The following KRCC1 variants were observed in gnomAD, a reference collection of about 807,000 sequenced individuals.
KRCC1 encodes the protein lysine rich coiled-coil 1.
A neutral mutation model predicts 7.4 loss-of-function variants in KRCC1; 3 were observed. That is an observed-to-expected ratio of 0.40 (90% CI 0.18 to 1.04). KRCC1 has a LOEUF of 1.04. KRCC1 is among the 50% of genes least tolerant of loss of function. KRCC1 has a pLI of 0.33. For synonymous variants in KRCC1, 102 were observed against 101.6 expected, an observed-to-expected ratio of 1.00 and a Z score of -0.02; for missense variants, 277 against 300.9, an observed-to-expected ratio of 0.92 and a Z score of 0.59.
chr2:88,028,670 GA>G, intron 3 of KRCC1, 85 bp from the exon 4 acceptor site: 1 of 690,432 alleles, frequency 1.4e-6, no homozygotes, highest in Non-Finnish European at 2.2e-6. Flanking sequence ...TTTTTCTTGA[GA>G]TGGCGTCTCG....
chr2:88,037,520 T>C (rs1375360962), intron 1 of KRCC1, among the ~76,000 whole-genome samples: 1 of 152,244 alleles, frequency 6.6e-6, no homozygotes, highest in Non-Finnish European at 1.5e-5. Context: ...GTGATTCTCC[T>C]GCCTCAGCTT....
At position 88,027,729 on chromosome 2, in the gene KRCC1, C is replaced by CCAAG; in HGVS notation, c.*51_*54dup. ...TGGTATGAACACGGATATCATAAAA[C>CCAAG]CAAGCTCTCACCTATTTTTTCAATT... On this transcript the variant is annotated 3_prime_UTR_variant, in exon 4 of 4. Coordinates refer to ENST00000347055, the MANE Select transcript of KRCC1 (RefSeq NM_016618.3). 6.7e-7 allele frequency: 1 copy of CCAAG among 1,484,942 alleles called. No homozygotes were observed. Among genetic ancestry groups the CCAAG allele is most frequent in the South Asian group, 1.4e-5 (1 of 72,664 alleles). The allele number at this position is 1,484,942 out of a possible 1,614,324, so 92.0% of individuals were successfully genotyped here.
At chr2:88,048,798 T>C (rs1163336408) in intron 1 of KRCC1, among the ~76,000 whole-genome samples, 1 of 152,224 alleles carries the variant, frequency 6.6e-6, no homozygotes, top group Non-Finnish European at 1.5e-5. Context: ...ATCTTAATCT[T>C]AGTAAAGACC....
intron 1 of KRCC1, among the ~76,000 whole-genome samples, chr2:88,044,619 T>C (rs558505558): frequency 1.3e-5 from 2 of 152,172 alleles, no homozygotes; most frequent in African/African-American, 4.8e-5. Context: ...TAAACCACAA[T>C]GAGGGGTCTG....
At chr2:88,029,832 A>T in intron 3 of KRCC1, among the ~76,000 whole-genome samples, 1 of 96,984 alleles carries the variant, frequency 1.0e-5, no homozygotes, top group East Asian at 3.5e-4. Flanking sequence ...TTATATATAT[A>T]TAAAAAAATA....
chr2:88,033,721 T>G (rs900552071), intron 3 of KRCC1, among the ~76,000 whole-genome samples: 3 of 152,202 alleles, frequency 2.0e-5, no homozygotes, highest in African/African-American at 7.2e-5. Flanking sequence ...TTAGCAAGAA[T>G]GTGGAAAAAT....
intron 1 of KRCC1, among the ~76,000 whole-genome samples, chr2:88,051,265 C>A (rs1229221252): frequency 1.3e-5 from 2 of 152,106 alleles, no homozygotes; most frequent in Non-Finnish European, 2.9e-5. Flanking sequence ...TGCTCTTTAT[C>A]CAGACCAATA....
Position 88,053,069 on chromosome 2 carries a change from G to A in KRCC1, c.-291+2557C>T, listed in dbSNP as rs561701051. On this transcript the variant is annotated intron_variant, in intron 1 of 3. Transcript: ENST00000347055. ...TTATGATTGGCTCTTCTCCCTCTCT[G>A]CTCAATGATGACAACCTAAAATATC... is the stretch of plus-strand genomic sequence containing the variant. Among the ~76,000 whole-genome samples, 3 of 151,682 alleles carry A rather than the reference G, an allele frequency of 2.0e-5. No homozygotes were observed. The South Asian group carries it at 6.3e-4, about 32-fold the overall frequency.
chr2:88,027,985 CT>C lies in KRCC1; in HGVS notation c.578del (p.Lys193ArgfsTer12). 6.2e-7 allele frequency: 1 copy of C among 1,613,744 alleles called. No homozygotes were observed. The highest frequency in any genetic ancestry group is 1.3e-5 in the African/African-American group (1 of 74,888). ...CCTCTGTTTTCTTTCTTTGGATGCT[CT>C]TGTGTTTGTCTAAGTCAATTTCCTC... Reference protein sequence around the residue: ...SCEEIDLDKHKSIQRKKTEVE... With the variant: ...SCEEIDLDKHXSIQRKKTEVE... On this transcript the variant is annotated frameshift_variant, in exon 4 of 4. Transcript: ENST00000347055. LOFTEE classifies it high-confidence loss of function.
intron 2 of KRCC1, among the ~76,000 whole-genome samples, chr2:88,035,463 T>A (rs1673073878): frequency 6.6e-6 from 1 of 152,086 alleles, no homozygotes; most frequent in African/African-American, 2.4e-5. Context: ...TCAGAGAACA[T>A]GAGGAAGTAA....
intron 1 of KRCC1, among the ~76,000 whole-genome samples, chr2:88,051,569 A>G (rs2104629639): frequency 6.6e-6 from 1 of 152,354 alleles, no homozygotes; most frequent in East Asian, 1.9e-4. Flanking sequence ...AATATTTGCC[A>G]ATTGTCAAGT....
intron 1 of KRCC1, among the ~76,000 whole-genome samples, chr2:88,055,090 AT>A (rs1311047949): frequency 6.6e-6 from 1 of 151,146 alleles, no homozygotes; most frequent in Non-Finnish European, 1.5e-5. Flanking sequence ...CTCCAAAGTG[AT>A]CCCCCCCTAA....
chr2:88,043,956 T>C (rs978607479), intron 1 of KRCC1, among the ~76,000 whole-genome samples: 1 of 152,168 alleles, frequency 6.6e-6, no homozygotes, highest in African/African-American at 2.4e-5. Context: ...ATTACAGGCA[T>C]GAGCCACTGC....
intron 1 of KRCC1, among the ~76,000 whole-genome samples, chr2:88,048,083 T>C (rs1673382859): frequency 2.3e-5 from 1 of 42,838 alleles, no homozygotes; most frequent in African/African-American, 6.0e-5. Context: ...TCATTTTCAG[T>C]GTATTTTTTT....
At position 88,045,142 on chromosome 2, in the gene KRCC1, G is replaced by T. The variant is rs747787663; in HGVS notation, c.-290-8091C>A. Among the ~76,000 whole-genome samples the T allele has an allele frequency of 5.3e-5, 8 of 152,072 alleles. No homozygotes were observed. In the East Asian group the frequency reaches 5.8e-4, roughly 11 times the overall value. ...GGCCTCCCAAAGTGCTGGGTTTACA[G>T]GTGTGAGCCACTGTAAAAAATTATC... On this transcript the variant is annotated intron_variant, in intron 1 of 3. Coordinates refer to ENST00000347055, the MANE Select transcript of KRCC1 (RefSeq NM_016618.3).
chr2:88,052,069 GAAATCCCAAAAGGCCA>G (rs1673502169), intron 1 of KRCC1, among the ~76,000 whole-genome samples: 1 of 152,208 alleles, frequency 6.6e-6, no homozygotes, highest in African/African-American at 2.4e-5. Context: ...CCCAAATGTT[GAAATCCCAAAAGGCCA>G]AAATCCCAAT....
At chr2:88,052,658 T>TTA (rs1673519137) in intron 1 of KRCC1, among the ~76,000 whole-genome samples, 1 of 152,224 alleles carries the variant, frequency 6.6e-6, no homozygotes, top group African/African-American at 2.4e-5. Flanking sequence ...AGATGACCAG[T>TTA]TATAAAGCTA....
chr2:88,037,078 A>T (rs775663841), intron 1 of KRCC1, 27 bp from the exon 2 acceptor site: 2 of 152,204 alleles, frequency 1.3e-5, no homozygotes, highest in African/African-American at 2.4e-5. Context: ...GGTAAGACAG[A>T]AGATTATATT....
intron 3 of KRCC1, among the ~76,000 whole-genome samples, chr2:88,030,728 T>A (rs1269657033): frequency 2.6e-5 from 4 of 152,216 alleles, no homozygotes; most frequent in Non-Finnish European, 4.4e-5. Flanking sequence ...GAAAAACAGT[T>A]TGGCAGTTTC....
Sources: allele counts gnomAD v4.1 joint callset (sites outside exome capture counted in the v4.1 genomes callset), GRCh38; gene constraint gnomAD v4.1.1; transcripts MANE v1.5; gene names NCBI Gene and HGNC (gene_info 2026-07-23, HGNC 2026-07-21).